FRYL: variants seen among roughly 807,000 people sequenced by gnomAD.
FRYL encodes the protein FRY like transcription coactivator.
FRYL carries 150 observed loss-of-function variants against 351.2 expected under a neutral mutation model. The observed-to-expected ratio is 0.43, with a 90% confidence interval of 0.37 to 0.49. The LOEUF (loss-of-function observed/expected upper bound fraction) is 0.49, where lower values mean the gene tolerates loss of function less well. FRYL is among the 20% of genes least tolerant of loss of function. The pLI, the probability that FRYL is intolerant of heterozygous loss-of-function variation, is 0.00. For synonymous variants in FRYL, 1,153 were observed against 1,257.1 expected, an observed-to-expected ratio of 0.92 and a Z score of 1.75; for missense variants, 3,036 against 3,619.3, an observed-to-expected ratio of 0.84 and a Z score of 4.13.
At chr4:48,760,525 G>T (rs965970035) in intron 1 of FRYL, among the ~76,000 whole-genome samples, 4 of 151,866 alleles carry the variant, frequency 2.6e-5, no homozygotes, top group Non-Finnish European at 4.4e-5. Context: ...CATGCCTTGT[G>T]TTTTTTTGTT....
At position 48,547,573 on chromosome 4, in the gene FRYL, A is replaced by T; in HGVS notation, c.5074+11T>A. 1 of 1,482,840 alleles carries T rather than the reference A, an allele frequency of 6.7e-7. No individual in the cohort carries two copies. Among genetic ancestry groups the T allele is most frequent in the Non-Finnish European group, 9.2e-7 (1 of 1,090,510 alleles). The allele number at this position is 1,482,840 out of a possible 1,614,324, so 91.9% of individuals were successfully genotyped here. On this transcript the variant is annotated intron_variant, in intron 41 of 63. Coordinates refer to ENST00000358350, the MANE Select transcript of FRYL (RefSeq NM_015030.2). ...AATTCTACTTTCAAATTGTACATTT[A>T]AAGCAAATACCTGTGAAATTATAAT... is the stretch of plus-strand genomic sequence containing the variant.
chr4:48,507,999 T>TAAC (rs1560507331), intron 59 of FRYL, among the ~76,000 whole-genome samples: 1 of 151,996 alleles, frequency 6.6e-6, no homozygotes. Context: ...AAAGAATGTA[T>TAAC]AACTCAAAAA....
At chr4:48,517,781 T>C (rs1723959575) in intron 55 of FRYL, among the ~76,000 whole-genome samples, 1 of 152,240 alleles carries the variant, frequency 6.6e-6, no homozygotes, top group Admixed American at 6.5e-5. Flanking sequence ...ATCTTTCCAA[T>C]ATTAACATGA....
chr4:48,595,821 T>C (rs1351833024), intron 14 of FRYL, 76 bp downstream of exon 14: 1 of 1,137,854 alleles, frequency 8.8e-7, no homozygotes, highest in Non-Finnish European at 1.3e-6. Context: ...GTATAATGTT[T>C]ACTAAAATTC....
At chr4:48,723,171 C>T (rs964771890) in intron 1 of FRYL, among the ~76,000 whole-genome samples, 1 of 152,038 alleles carries the variant, frequency 6.6e-6, no homozygotes, top group Non-Finnish European at 1.5e-5. Flanking sequence ...GAGACAGGAT[C>T]TTGCTTTGTC....
chr4:48,608,844 G>A, intron 9 of FRYL, 143 bp downstream of exon 9: 1 of 639,268 alleles, frequency 1.6e-6, no homozygotes. Flanking sequence ...CTGAGAAACA[G>A]AGCAGTAAAG....
intron 9 of FRYL, 82 bp downstream of exon 9, chr4:48,608,905 C>T: frequency 1.2e-6 from 1 of 838,312 alleles, no homozygotes; most frequent in Non-Finnish European, 2.0e-6. Flanking sequence ...GGATTTCGAA[C>T]TATCAGTATC....
chr4:48,583,262 C>T (rs559077749), intron 19 of FRYL, among the ~76,000 whole-genome samples: 2 of 152,096 alleles, frequency 1.3e-5, no homozygotes, highest in South Asian at 4.2e-4. Context: ...CGCCATTCTC[C>T]TGCCTCAGCC....
chr4:48,535,614 C>CACATAT, intron 48 of FRYL, 43 bp downstream of exon 48: 1 of 981,706 alleles, frequency 1.0e-6, no homozygotes, highest in Non-Finnish European at 1.5e-6. Flanking sequence ...CACACACACA[C>CACATAT]ATATATATAT....
rs112766626 is a variant in FRYL at position 48,502,821 on chromosome 4, C to A, written c.8481+7G>T. On this transcript the variant is annotated splice_region_variant and intron_variant, in intron 61 of 63. Transcript: ENST00000358350. ...GAGTAGTCTATAAATCAAGACAGGTCACTTACTGCTAGTATTTCCATTTGC... is the reference window on the plus strand; with the variant it reads ...GAGTAGTCTATAAATCAAGACAGGTAACTTACTGCTAGTATTTCCATTTGC... 2.7e-4 allele frequency: 442 copies of A among 1,609,398 alleles called. 4 individuals carry two copies. In the African/African-American group the frequency reaches 5.1e-3, roughly 19 times the overall value.
intron 1 of FRYL, among the ~76,000 whole-genome samples, chr4:48,732,963 G>A (rs1162433357): frequency 6.6e-6 from 1 of 150,906 alleles, no homozygotes; most frequent in East Asian, 1.9e-4. Flanking sequence ...TAAGAAGAAA[G>A]TGGAATGAAA....
chr4:48,607,368 T>C lies in FRYL; in HGVS notation c.573-762A>G, dbSNP rs570185822. ...GAAGAACAAAAAAAAATTAACAAAA[T>C]ATGGATACATGACTGAAATATAACA... On this transcript the variant is annotated intron_variant, in intron 9 of 63. Transcript: ENST00000358350. Among the ~76,000 whole-genome samples the C allele has an allele frequency of 1.9e-3, 284 of 152,216 alleles. 2 individuals carry two copies. Among genetic ancestry groups the C allele is most frequent in the African/African-American group, 6.4e-3 (264 of 41,524 alleles).
intron 1 of FRYL, among the ~76,000 whole-genome samples, chr4:48,720,063 T>C (rs572819594): frequency 6.9e-6 from 1 of 145,978 alleles, no homozygotes; most frequent in Admixed American, 6.9e-5. Context: ...GGCAGGAGAA[T>C]GGCTTGAACC....
chr4:48,570,285 C>G (rs1244416923), intron 27 of FRYL, among the ~76,000 whole-genome samples: 1 of 152,116 alleles, frequency 6.6e-6, no homozygotes, highest in Non-Finnish European at 1.5e-5. Context: ...TGTGAAGATG[C>G]CTTTACTGCG....
intron 53 of FRYL, among the ~76,000 whole-genome samples, chr4:48,524,121 T>C (rs150370603): frequency 6.6e-6 from 1 of 152,246 alleles, no homozygotes; most frequent in African/African-American, 2.4e-5. Context: ...TACCAAAATA[T>C]GATTTTTTTT....
chr4:48,653,574 T>C (rs1484107684), intron 3 of FRYL: 3 of 430,816 alleles, frequency 7.0e-6, no homozygotes, highest in African/African-American at 6.3e-5. Flanking sequence ...TCTTACTGAT[T>C]ACCATTCAAG....
intron 33 of FRYL, among the ~76,000 whole-genome samples, chr4:48,559,528 CAAAAAAAAAAAA>C (rs67320603): frequency 9.6e-5 from 1 of 10,380 alleles, no homozygotes; most frequent in African/African-American, 4.6e-4. Context: ...CCTCTCTCTC[CAAAAAAAAAAAA>C]AAAAAAAAAA....
chr4:48,581,204 C>T (rs1740823909), intron 21 of FRYL, among the ~76,000 whole-genome samples: 1 of 151,976 alleles, frequency 6.6e-6, no homozygotes, highest in South Asian at 2.1e-4. Context: ...CCACGCCCGG[C>T]TAATTTTTTT....
chr4:48,538,574 T>C (rs1729395888), intron 47 of FRYL, among the ~76,000 whole-genome samples: 1 of 151,834 alleles, frequency 6.6e-6, no homozygotes, highest in African/African-American at 2.4e-5. Context: ...AAGGTGGGGG[T>C]TTTATTTGGC....
Sources: allele counts gnomAD v4.1 joint callset (sites outside exome capture counted in the v4.1 genomes callset), GRCh38; gene constraint gnomAD v4.1.1; transcripts MANE v1.5; gene names NCBI Gene and HGNC (gene_info 2026-07-23, HGNC 2026-07-21).